Variants in DPP10 observed in about 807,000 individuals in gnomAD.
DPP10 encodes inactive dipeptidyl peptidase 10.
A neutral mutation model predicts 120.9 loss-of-function variants in DPP10; 33 were observed. That is an observed-to-expected ratio of 0.27 (90% CI 0.21 to 0.37). The LOEUF is 0.37. Among genes scored for constraint, DPP10 ranks in the 10% least tolerant of loss-of-function variants. DPP10 has a pLI of 1.00. For missense variants in DPP10, 816 were observed against 942.8 expected (o/e 0.87, Z 1.76); for synonymous variants, 337 against 326.1 (o/e 1.03, Z -0.36).
At chr2:115,475,665 C>T (rs1037768303) in intron 3 of DPP10, among the ~76,000 whole-genome samples, 11 of 152,192 alleles carry the variant, frequency 7.2e-5, no homozygotes, top group Admixed American at 5.2e-4. Flanking sequence ...AGGCACTCAA[C>T]GCCAGCCCAT....
At chr2:115,500,216 C>A (rs2076612562) in intron 4 of DPP10, among the ~76,000 whole-genome samples, 1 of 151,868 alleles carries the variant, frequency 6.6e-6, no homozygotes, top group Non-Finnish European at 1.5e-5. Flanking sequence ...GCTATAATTA[C>A]CTATTTGGTA....
chr2:115,241,027 T>G (rs893293361), intron 1 of DPP10, among the ~76,000 whole-genome samples: 1 of 152,134 alleles, frequency 6.6e-6, no homozygotes, highest in African/African-American at 2.4e-5. Context: ...TCCCAGCACT[T>G]TGGGAGTCCA....
At position 115,092,008 on chromosome 2, in the gene DPP10, C is replaced by T. The variant is rs79947299; in HGVS notation, c.61-217231C>T. Among the ~76,000 whole-genome samples, 1,132 of 152,292 alleles carry T rather than the reference C, an allele frequency of 7.4e-3. 10 individuals carry two copies. Among genetic ancestry groups the T allele is most frequent in the African/African-American group, 0.026 (1,082 of 41,554 alleles). On this transcript the variant is annotated intron_variant, in intron 1 of 25. Transcript: ENST00000410059. ...ATTGCGGCCTACTGAGTGCACACAC[C>T]GTGCCAGGTAGTCTGCTAAGGGCTT...
At chr2:115,405,981 A>C (rs956485217) in intron 3 of DPP10, among the ~76,000 whole-genome samples, 2 of 152,114 alleles carry the variant, frequency 1.3e-5, no homozygotes, top group Admixed American at 6.5e-5. Context: ...TCTTCACACT[A>C]ATCTATTTAG....
At position 115,471,524 on chromosome 2, in the gene DPP10, T is replaced by C. The variant is rs147457935; in HGVS notation, c.272-27986T>C. On this transcript the variant is annotated intron_variant, in intron 3 of 25. Coordinates refer to ENST00000410059, the MANE Select transcript of DPP10 (RefSeq NM_020868.6). ...CTTCTGAGAGGTTCGCAGTCTTACA[T>C]CTTGAAAACCACTTTCAGTTTGTGA... 1.6e-4 allele frequency among the ~76,000 whole-genome samples: 25 copies of C among 152,236 alleles called. No individual in the cohort carries two copies. The East Asian group carries it at 4.8e-3, about 29-fold the overall frequency.
At chr2:114,476,109 C>T (rs1048789203) in intron 1 of DPP10, among the ~76,000 whole-genome samples, 2 of 152,072 alleles carry the variant, frequency 1.3e-5, no homozygotes, top group Admixed American at 6.5e-5. Flanking sequence ...TACCACTAAC[C>T]CCTTGAATCT....
intron 1 of DPP10, among the ~76,000 whole-genome samples, chr2:114,494,017 A>G (rs1682239480): frequency 6.8e-6 from 1 of 146,200 alleles, no homozygotes; most frequent in Admixed American, 7.0e-5. Context: ...ATTTCATATT[A>G]TTAAGTGCTT....
At chr2:115,342,214 T>G (rs1367538842) in intron 2 of DPP10, 2 of 446,226 alleles carry the variant, frequency 4.5e-6, no homozygotes, top group Non-Finnish European at 9.0e-6. Flanking sequence ...TAATTTGTTT[T>G]TTGAGACAAG....
chr2:115,347,288 C>T (rs2106279824), intron 3 of DPP10, among the ~76,000 whole-genome samples: 1 of 152,200 alleles, frequency 6.6e-6, no homozygotes, highest in South Asian at 2.1e-4. Flanking sequence ...TGTTCAGATC[C>T]TTCTTGGCCT....
intron 1 of DPP10, among the ~76,000 whole-genome samples, chr2:114,488,364 A>G (rs1231124251): frequency 6.6e-6 from 1 of 152,100 alleles, no homozygotes; most frequent in Non-Finnish European, 1.5e-5. Context: ...AGCCTACTAC[A>G]CTTTTGGCTG....
intron 1 of DPP10, among the ~76,000 whole-genome samples, chr2:114,682,069 A>G (rs552062036): frequency 6.6e-6 from 1 of 152,046 alleles, no homozygotes; most frequent in South Asian, 2.1e-4. Context: ...AAATTAAGGC[A>G]CAAGTCCTAA....
intron 1 of DPP10, among the ~76,000 whole-genome samples, chr2:114,899,155 A>T (rs1693317161): frequency 1.3e-5 from 2 of 151,844 alleles, no homozygotes; most frequent in Admixed American, 6.6e-5. Context: ...AGCTTAATCA[A>T]TATAGAAATT....
chr2:114,448,406 T>C (rs1267827483), intron 1 of DPP10, among the ~76,000 whole-genome samples: 1 of 152,164 alleles, frequency 6.6e-6, no homozygotes, highest in African/African-American at 2.4e-5. Context: ...TGATGACAAA[T>C]TACTAACTCT....
At chr2:114,647,435 T>C (rs567357751) in intron 1 of DPP10, among the ~76,000 whole-genome samples, 2 of 152,300 alleles carry the variant, frequency 1.3e-5, no homozygotes, top group South Asian at 4.1e-4. Flanking sequence ...CAGAGCTATT[T>C]AGGGAATTTC....
intron 1 of DPP10, among the ~76,000 whole-genome samples, chr2:115,078,141 T>A (rs1326168567): frequency 2.0e-5 from 3 of 152,192 alleles, no homozygotes; most frequent in Non-Finnish European, 2.9e-5. Flanking sequence ...CTAATGAAAC[T>A]AAGGCAAATA....
Position 114,567,667 on chromosome 2 carries a change from T to A in DPP10, c.60+124829T>A, listed in dbSNP as rs570862168. 1.4e-3 allele frequency among the ~76,000 whole-genome samples: 211 copies of A among 152,314 alleles called. 3 individuals are homozygous for A. The highest frequency in any genetic ancestry group is 4.9e-3 in the African/African-American group (205 of 41,576). ...ATTGGTTTCTACATTAGTAGTAATT[T>A]GTTACAACCTCAATAAGAAATCAAT... On this transcript the variant is annotated intron_variant, in intron 1 of 25. Transcript: ENST00000410059.
chr2:115,826,227 G>A (rs548401113), intron 21 of DPP10, among the ~76,000 whole-genome samples: 3 of 152,260 alleles, frequency 2.0e-5, no homozygotes, highest in Admixed American at 1.3e-4. Flanking sequence ...AGTCTGGTCC[G>A]TTGAGGCCTA....
At chr2:114,895,137 G>A (rs552662371) in intron 1 of DPP10, among the ~76,000 whole-genome samples, 1 of 152,302 alleles carries the variant, frequency 6.6e-6, no homozygotes, top group East Asian at 1.9e-4. Context: ...TGTAGTATGA[G>A]CCATTTAAGT....
chr2:115,782,440 C>T, intron 17 of DPP10, 41 bp downstream of exon 17: 1 of 1,556,054 alleles, frequency 6.4e-7, no homozygotes, highest in South Asian at 1.1e-5. Flanking sequence ...TTATGGTTGG[C>T]ATTAGTCTTA....
Sources: gnomAD v4.1 joint callset for allele counts (sites outside exome capture counted in the v4.1 genomes callset) on GRCh38, gnomAD v4.1.1 for gene constraint, MANE v1.5 for transcripts, NCBI Gene and HGNC (gene_info 2026-07-23, HGNC 2026-07-21) for gene names.